CNN1: variants seen among roughly 807,000 people sequenced by gnomAD.
The protein encoded by CNN1 is calponin-1.
A neutral mutation model predicts 35.3 loss-of-function variants in CNN1; 21 were observed. That is an observed-to-expected ratio of 0.60 (90% CI 0.42 to 0.86). The LOEUF (loss-of-function observed/expected upper bound fraction) is 0.86. Among genes scored for constraint, CNN1 ranks in the 40% least tolerant of loss-of-function variants. CNN1 has a pLI of 0.00. For synonymous variants in CNN1, 164 were observed against 161.8 expected, an observed-to-expected ratio of 1.01 and a Z score of -0.10; for missense variants, 314 against 400.8, an observed-to-expected ratio of 0.78 and a Z score of 1.85.
intron 1 of CNN1, chr19:11,540,770 G>T (rs1322191751): frequency 3.9e-6 from 1 of 256,744 alleles, no homozygotes. Context: ...GAAAAACCAG[G>T]GTGCCGGGTG....
At chr19:11,546,266 T>C (rs138964324) in intron 2 of CNN1, among the ~76,000 whole-genome samples, 29 of 151,652 alleles carry the variant, frequency 1.9e-4, no homozygotes, top group African/African-American at 6.5e-4. Context: ...GGGTATGGCA[T>C]GGCCCCTTGT....
intron 2 of CNN1, among the ~76,000 whole-genome samples, chr19:11,545,507 T>C (rs1176219176): frequency 1.9e-5 from 1 of 53,448 alleles, no homozygotes; most frequent in Non-Finnish European, 3.6e-5. Flanking sequence ...GAGGGGGGAG[T>C]CTGGAGGGGG....
Position 11,549,563 on chromosome 19 carries a change from C to A in CNN1, c.662C>A (p.Ala221Glu), listed in dbSNP as rs748000390. 6.3e-7 allele frequency: 1 copy of A among 1,598,196 alleles called. No individual in the cohort carries two copies. Among genetic ancestry groups the A allele is most frequent in the Non-Finnish European group, 8.6e-7 (1 of 1,168,774 alleles). The change falls in exon 7 of 7, where the codon GCG becomes GAG. Residue 221 changes from alanine (A) to glutamate (E), a missense_variant. Coordinates refer to ENST00000252456, the MANE Select transcript of CNN1 (RefSeq NM_001299.6). The surrounding 1 kb of genome is among the most constrained non-coding windows in gnomAD (Gnocchi z 5.2). ...NKGASQAGMT[A>E]PGTKRQIFEP... is the part of the protein sequence containing the mutation. ...CACCCTTCGCAGGCTGGCATGACTG[C>A]GCCAGGGACCAAGCGGCAGATCTTC... is the stretch of plus-strand genomic sequence containing the variant.
At chr19:11,547,773 C>A in intron 4 of CNN1, 24 bp from the exon 5 acceptor site, 1 of 1,602,198 alleles carries the variant, frequency 6.2e-7, no homozygotes. Context: ...CCTTGTCAGT[C>A]CCTGCTTTCC....
chr19:11,538,903 C>A lies in CNN1; in HGVS notation c.-25C>A. On this transcript the variant is annotated 5_prime_UTR_variant, in exon 1 of 7. Transcript: ENST00000252456. ...GTTCTCAGCGTCAGTGCCGCCACTG[C>A]CCCCGCCAGAGCCCACCGGCCAGCA... 2 of 1,528,666 alleles carry A rather than the reference C, an allele frequency of 1.3e-6. No individual in the cohort carries two copies. The highest frequency in any genetic ancestry group is 1.2e-5 in the South Asian group (1 of 80,146). 94.7% of individuals were successfully genotyped at this position (1,528,666 alleles called of 1,614,324 possible).
At position 11,549,410 on chromosome 19, in the gene CNN1, C is replaced by G; in HGVS notation, c.589C>G (p.Gln197Glu). 1 of 1,614,034 alleles carries G rather than the reference C, an allele frequency of 6.2e-7. No homozygotes were observed. Residue 197 changes from glutamine (Q) to glutamate (E), a missense_variant, in exon 6 of 7, where the codon CAG (glutamine) becomes GAG (glutamate). Coordinates refer to ENST00000252456, the MANE Select transcript of CNN1 (RefSeq NM_001299.6). This position sits in a 1 kb window ranked among gnomAD's most constrained non-coding sequence, Gnocchi z 5.2. ...CTACGACCCCAAGCTGGGCACAGAC[C>G]AGCCTCTGGACCAGGCGACCATCAG... is the stretch of plus-strand genomic sequence containing the variant. ...HLYDPKLGTD[Q>E]PLDQATISLQ...
intron 2 of CNN1, among the ~76,000 whole-genome samples, chr19:11,545,916 T>G (rs895949721): frequency 6.7e-6 from 1 of 150,316 alleles, no homozygotes; most frequent in East Asian, 2.0e-4. Context: ...CAGTGAGCTG[T>G]GATTGCACCA....
chr19:11,548,296 T>C (rs1259477581), intron 5 of CNN1, among the ~76,000 whole-genome samples: 2 of 152,086 alleles, frequency 1.3e-5, no homozygotes, highest in East Asian at 3.9e-4. Context: ...TTCCAGCACT[T>C]GGGGAGGCTG....
intron 1 of CNN1, chr19:11,539,968 G>A (rs1972423111): frequency 3.2e-5 from 34 of 1,074,910 alleles, no homozygotes; most frequent in Non-Finnish European, 3.9e-5. Context: ...ATAAGGGCCG[G>A]TTTGCTTTAT....
chr19:11,539,923 T>C, intron 1 of CNN1: 1 of 1,113,492 alleles, frequency 9.0e-7, no homozygotes, highest in South Asian at 1.8e-5. Context: ...CGCCGCGCCT[T>C]ATAAGGCGGC....
At chr19:11,542,974 A>G (rs1201672571) in intron 2 of CNN1, among the ~76,000 whole-genome samples, 1 of 152,194 alleles carries the variant, frequency 6.6e-6, no homozygotes, top group East Asian at 1.9e-4. Context: ...GGCCTCGGGA[A>G]GACTTTGAAG....
rs564404335 is a variant in CNN1 at position 11,539,381 on chromosome 19, G to A, written c.63+391G>A. 1.7e-4 allele frequency: 182 copies of A among 1,068,502 alleles called. No individual in the cohort carries two copies. The African/African-American group carries it at 3.0e-3, about 17-fold the overall frequency. The allele number at this position is 1,068,502 out of a possible 1,614,324, so 66.2% of individuals were successfully genotyped here. A position where few individuals can be genotyped will look rare whatever the true frequency, so the allele number is the denominator to read the frequency against. ...AGTGCTGGGGTACCTGGGAAGTGAC[G>A]CCGTGAAAGTGTGGGAGATCCTGAA... On this transcript the variant is annotated intron_variant, in intron 1 of 6. Transcript: ENST00000252456.
Position 11,547,068 on chromosome 19 carries a change from C to CG in CNN1, c.390+105dup, listed in dbSNP as rs576727070. 3.5e-4 allele frequency: 542 copies of CG among 1,546,294 alleles called. 7 individuals carry two copies. Among genetic ancestry groups the CG allele is most frequent in the Middle Eastern group, 3.4e-3 (15 of 4,470 alleles). ...CCTGAGCCCAGTGAAGGTGGCGGAG[C>CG]GGGGGGCAGGGATCGGGGAGCAGGT... On this transcript the variant is annotated intron_variant, in intron 4 of 6. Coordinates refer to ENST00000252456, the MANE Select transcript of CNN1 (RefSeq NM_001299.6).
At chr19:11,548,735 G>T (rs1384131363) in intron 5 of CNN1, among the ~76,000 whole-genome samples, 1 of 151,956 alleles carries the variant, frequency 6.6e-6, no homozygotes, top group African/African-American at 2.4e-5. Flanking sequence ...TACTCAGGAG[G>T]CTGAGGCAGG....
chr19:11,540,146 G>C, intron 1 of CNN1: 13 of 735,122 alleles, frequency 1.8e-5, no homozygotes, highest in Non-Finnish European at 2.2e-5. Flanking sequence ...GGAGTGGAGT[G>C]GGGGAGGGGG....
intron 2 of CNN1, among the ~76,000 whole-genome samples, chr19:11,542,440 G>T (rs60831217): frequency 6.6e-6 from 1 of 151,600 alleles, no homozygotes; most frequent in Non-Finnish European, 1.5e-5. Flanking sequence ...TGATCCACCC[G>T]CCTTAGTCTC....
chr19:11,549,200 ATAAAAT>A lies in CNN1; in HGVS notation c.502-122_502-117del. On this transcript the variant is annotated intron_variant, in intron 5 of 6. Coordinates refer to ENST00000252456, the MANE Select transcript of CNN1 (RefSeq NM_001299.6). The surrounding 1 kb of genome is among the most constrained non-coding windows in gnomAD (Gnocchi z 5.2). Reference sequence around the variant, plus strand: ...AAGACTCCGTCTCAAAAAAAAATAAATAAAATAAAATAAAAATTGAAAAAAATGATA... The same window carrying A: ...AAGACTCCGTCTCAAAAAAAAATAAAAAAATAAAAATTGAAAAAAATGATA... The A allele has an allele frequency of 1.8e-6, 2 of 1,118,918 alleles. No homozygotes were observed. Among genetic ancestry groups the A allele is most frequent in the Non-Finnish European group, 2.4e-6 (2 of 820,256 alleles). The allele number at this position is 1,118,918 out of a possible 1,614,324, so 69.3% of individuals were successfully genotyped here. A position where few individuals can be genotyped will look rare whatever the true frequency, so the allele number is the denominator to read the frequency against.
In CNN1 at chr19:11,549,757, C is replaced by T. The variant is rs370681652; in HGVS notation, c.856C>T (p.His286Tyr). ...PEYPELGEPA[H>Y]NHHAHNYYNS... ...GTACCCAGAGCTGGGTGAGCCCGCC[C>T]ACAACCACCACGCACACAACTACTA... is the stretch of plus-strand genomic sequence containing the variant. Residue 286 changes from histidine (H) to tyrosine (Y), a missense_variant, in exon 7 of 7, where the codon CAC becomes TAC. Coordinates refer to ENST00000252456, the MANE Select transcript of CNN1 (RefSeq NM_001299.6). This position sits in a 1 kb window ranked among gnomAD's most constrained non-coding sequence, Gnocchi z 5.2. 6.2e-7 allele frequency: 1 copy of T among 1,613,708 alleles called. No homozygotes were observed. Among genetic ancestry groups the T allele is most frequent in the Non-Finnish European group, 8.5e-7 (1 of 1,179,746 alleles).
Position 11,550,084 on chromosome 19 carries a change from C to T in CNN1, c.*289C>T. Reference sequence around the variant, plus strand: ...TATTCCAGCTGTCCCCCCACTCCCTCACAAGTGGGTACCCCCAGGACCAGA... The same window carrying T: ...TATTCCAGCTGTCCCCCCACTCCCTTACAAGTGGGTACCCCCAGGACCAGA... On this transcript the variant is annotated 3_prime_UTR_variant, in exon 7 of 7. Transcript: ENST00000252456. 1 of 328,996 alleles carries T rather than the reference C, an allele frequency of 3.0e-6. No individual in the cohort carries two copies. The highest frequency in any genetic ancestry group is 5.5e-6 in the Non-Finnish European group (1 of 181,230). The allele number at this position is 328,996 out of a possible 1,614,324, so 20.4% of individuals were successfully genotyped here.
Sources: gnomAD v4.1 joint callset for allele counts (sites outside exome capture counted in the v4.1 genomes callset) on GRCh38, gnomAD v4.1.1 for gene constraint, Gnocchi (gnomAD v3.1) non-coding constraint, MANE v1.5 for transcripts, NCBI Gene and HGNC (gene_info 2026-07-23, HGNC 2026-07-21) for gene names.